Variants in AXDND1 observed in about 807,000 individuals in gnomAD.
AXDND1 encodes axonemal dynein light chain domain-containing protein 1.
In AXDND1, 110 loss-of-function variants were observed where a neutral mutation model predicts 137.5. The observed-to-expected ratio is 0.80, with a 90% CI of 0.69 to 0.94. The LOEUF (loss-of-function observed/expected upper bound fraction) is 0.94. Among genes scored for constraint, AXDND1 ranks in the 40% least tolerant of loss-of-function variants. The pLI, the probability that AXDND1 is intolerant of heterozygous loss-of-function variation, is 0.00. For synonymous variants in AXDND1, 414 were observed against 399.7 expected (o/e 1.04, Z -0.43); for missense variants, 1,191 against 1,169.8 (o/e 1.02, Z -0.26).
intron 12 of AXDND1, among the ~76,000 whole-genome samples, chr1:179,414,815 C>T (rs1473643108): frequency 1.3e-5 from 2 of 151,980 alleles, no homozygotes. Flanking sequence ...TAAAACCCAT[C>T]TGGAAGAATC....
chr1:179,511,523 G>A (rs1407994652), intron 21 of AXDND1, among the ~76,000 whole-genome samples: 2 of 151,892 alleles, frequency 1.3e-5, no homozygotes, highest in Non-Finnish European at 1.5e-5. Context: ...CTATAAACAT[G>A]CGTGTGCAAG....
At chr1:179,389,211 G>A (rs1000710881) in intron 9 of AXDND1, among the ~76,000 whole-genome samples, 2 of 151,948 alleles carry the variant, frequency 1.3e-5, no homozygotes, top group African/African-American at 4.8e-5. Context: ...AATTTCAGGT[G>A]GTCTGCCCAC....
intron 11 of AXDND1, among the ~76,000 whole-genome samples, chr1:179,407,571 T>G (rs1653177773): frequency 6.6e-6 from 1 of 152,162 alleles, no homozygotes; most frequent in Non-Finnish European, 1.5e-5. Context: ...AATTCTTTCC[T>G]GGCTTAAGGT....
intron 25 of AXDND1, chr1:179,548,766 G>A (rs1018419452): frequency 3.9e-5 from 6 of 152,186 alleles, no homozygotes; most frequent in African/African-American, 1.4e-4. Flanking sequence ...AGATAGGAGA[G>A]TCCAAACTGC....
intron 21 of AXDND1, among the ~76,000 whole-genome samples, chr1:179,513,481 G>T (rs116777700): frequency 0.033 from 5,006 of 152,228 alleles, 303 homozygotes; most frequent in African/African-American, 0.11. Flanking sequence ...TTTTGTTAAA[G>T]ATTTTAGTGT....
chr1:179,404,237 T>C (rs961729425), intron 11 of AXDND1, among the ~76,000 whole-genome samples: 22 of 151,540 alleles, frequency 1.5e-4, no homozygotes, highest in African/African-American at 3.9e-4. Flanking sequence ...TTTTTTTTTT[T>C]TTGAGATGGA....
chr1:179,368,573 T>A (rs572691283), intron 2 of AXDND1, among the ~76,000 whole-genome samples: 1 of 152,204 alleles, frequency 6.6e-6, no homozygotes, highest in African/African-American at 2.4e-5. Flanking sequence ...TACCTGAGTT[T>A]TTGAAACTGT....
chr1:179,535,274 G>A (rs1048912020), intron 25 of AXDND1, among the ~76,000 whole-genome samples: 1 of 151,634 alleles, frequency 6.6e-6, no homozygotes, highest in Non-Finnish European at 1.5e-5. Flanking sequence ...TGTACAACGT[G>A]CAGGTTTGGT....
At chr1:179,444,584 T>C (rs72719258) in intron 15 of AXDND1, among the ~76,000 whole-genome samples, 3,578 of 145,398 alleles carry the variant, frequency 0.025, 57 homozygotes, top group Non-Finnish European at 0.034. Context: ...ACAACTTGTA[T>C]ATTCTAGGAA....
chr1:179,506,940 C>T (rs1668596425), intron 20 of AXDND1: 4 of 977,848 alleles, frequency 4.1e-6, no homozygotes, highest in Non-Finnish European at 4.9e-6. Flanking sequence ...AATTCAAGCC[C>T]CAGCTTTCCT....
At chr1:179,529,380 T>C (rs1419846121) in intron 23 of AXDND1, among the ~76,000 whole-genome samples, 4 of 152,212 alleles carry the variant, frequency 2.6e-5, no homozygotes, top group Non-Finnish European at 2.9e-5. Flanking sequence ...TACAAATTTG[T>C]TGAAAAATCA....
chr1:179,495,940 T>A (rs1667405350), intron 20 of AXDND1, among the ~76,000 whole-genome samples: 3 of 150,426 alleles, frequency 2.0e-5, no homozygotes, highest in Admixed American at 2.0e-4. Context: ...TTGGATGTTA[T>A]CAAATCCTTT....
chr1:179,369,333 C>A (rs914061724), intron 3 of AXDND1, among the ~76,000 whole-genome samples: 2 of 152,194 alleles, frequency 1.3e-5, no homozygotes, highest in African/African-American at 2.4e-5. Flanking sequence ...CCGCCTTAGC[C>A]TCCCAAAGTG....
In AXDND1 at chr1:179,401,690, G is replaced by T. The variant is rs140574953; in HGVS notation, c.1109+6488G>T. On this transcript the variant is annotated intron_variant, in intron 11 of 25. Coordinates refer to ENST00000367618, the MANE Select transcript of AXDND1 (RefSeq NM_144696.6). ...ATTGAATCGTGGGGGTGGTTTCCCT[G>T]TACTGTTCTCGTGGTAGTAAGTCTC... Among the ~76,000 whole-genome samples the T allele has an allele frequency of 1.8e-3, 274 of 152,210 alleles. 1 individual carries two copies. The highest frequency in any genetic ancestry group is 6.4e-3 in the African/African-American group (267 of 41,542).
chr1:179,516,976 G>A (rs966453753), intron 21 of AXDND1, among the ~76,000 whole-genome samples: 2 of 152,204 alleles, frequency 1.3e-5, no homozygotes, highest in Admixed American at 1.3e-4. Flanking sequence ...AGCTGTGATA[G>A]TATGGAGAGG....
chr1:179,542,201 A>G (rs1672235651), intron 25 of AXDND1, among the ~76,000 whole-genome samples: 1 of 152,192 alleles, frequency 6.6e-6, no homozygotes, highest in African/African-American at 2.4e-5. Context: ...GCAGTTCTCA[A>G]TATTTCTAAT....
chr1:179,406,185 AATTT>A (rs1314965794), intron 11 of AXDND1, among the ~76,000 whole-genome samples: 159 of 151,896 alleles, frequency 1.0e-3, no homozygotes, highest in African/African-American at 3.8e-3. Flanking sequence ...TCTTGTTATT[AATTT>A]CTAGTTTTAC....
At chr1:179,545,723 C>G (rs545390169) in intron 25 of AXDND1, 11 of 152,314 alleles carry the variant, frequency 7.2e-5, no homozygotes, top group African/African-American at 2.6e-4. Flanking sequence ...TAGGCCCCAT[C>G]CCTGAACATG....
Position 179,383,503 on chromosome 1 carries a change from A to G in AXDND1, c.700A>G (p.Arg234Gly), listed in dbSNP as rs1648720380. 1 of 1,614,038 alleles carries G rather than the reference A, an allele frequency of 6.2e-7. No homozygotes were observed. Among genetic ancestry groups the G allele is most frequent in the East Asian group, 2.2e-5 (1 of 44,878 alleles). ...TGATGTGATGGATACTATGCTAGAGAGGGCTGGTGTGGAAAATCAGGAATA... is the reference window on the plus strand; with the variant it reads ...TGATGTGATGGATACTATGCTAGAGGGGGCTGGTGTGGAAAATCAGGAATA... ...LNDVMDTMLERAGVENQEYTG... is the reference protein window; with the variant it reads ...LNDVMDTMLEGAGVENQEYTG... The change falls in exon 8 of 26, where the codon AGG becomes GGG. Residue 234 changes from arginine (R) to glycine (G), a missense_variant. Coordinates refer to ENST00000367618, the MANE Select transcript of AXDND1 (RefSeq NM_144696.6).
Sources: gnomAD v4.1 joint callset for allele counts (sites outside exome capture counted in the v4.1 genomes callset) on GRCh38, gnomAD v4.1.1 for gene constraint, MANE v1.5 for transcripts, NCBI Gene and HGNC (gene_info 2026-07-23, HGNC 2026-07-21) for gene names.